Variants in PIK3C2G observed in about 807,000 individuals in gnomAD.
PIK3C2G encodes phosphatidylinositol-4-phosphate 3-kinase catalytic subunit type 2 gamma.
PIK3C2G carries 168 observed loss-of-function variants against 181.1 expected under a neutral mutation model. The ratio of observed to expected loss-of-function variants is 0.93; its 90% CI spans 0.82 to 1.05. PIK3C2G has a LOEUF of 1.05. Among genes scored for constraint, PIK3C2G ranks in the 50% least tolerant of loss-of-function variants. The pLI is 0.00. For synonymous variants in PIK3C2G, 573 were observed against 592.2 expected, an observed-to-expected ratio of 0.97 and a Z score of 0.47; for missense variants, 1,869 against 1,732.8, an observed-to-expected ratio of 1.08 and a Z score of -1.40.
At chr12:18,590,309 C>T (rs983703131) in intron 29 of PIK3C2G, among the ~76,000 whole-genome samples, 2 of 151,834 alleles carry the variant, frequency 1.3e-5, no homozygotes, top group African/African-American at 4.8e-5. Context: ...TTCCGAACAC[C>T]TCATATTCCA....
chr12:18,409,169 T>C (rs186147736), intron 16 of PIK3C2G, among the ~76,000 whole-genome samples: 2 of 152,170 alleles, frequency 1.3e-5, no homozygotes, highest in Admixed American at 1.3e-4. Context: ...AATGATAGAT[T>C]AGATAAAGAA....
chr12:18,588,968 A>G (rs749590596), intron 29 of PIK3C2G, among the ~76,000 whole-genome samples: 1 of 152,122 alleles, frequency 6.6e-6, no homozygotes, highest in Non-Finnish European at 1.5e-5. Flanking sequence ...GGAGGCCACT[A>G]TTCTTAGCAA....
chr12:18,286,146 C>T (rs921778562), intron 2 of PIK3C2G, among the ~76,000 whole-genome samples: 3 of 151,860 alleles, frequency 2.0e-5, no homozygotes, highest in Non-Finnish European at 4.4e-5. Flanking sequence ...TGTGTATGTA[C>T]CTAATAACAG....
the PIK3C2G span, chr12:18,719,573 A>G: frequency 6.2e-7 from 1 of 1,605,896 alleles, no homozygotes; most frequent in Non-Finnish European, 8.5e-7. Context: ...AACAGTAGAC[A>G]TTCACGTGAA....
Position 18,325,073 on chromosome 12 carries a change from A to C in PIK3C2G, c.1247A>C (p.His416Pro). The C allele has an allele frequency of 6.4e-7, 1 of 1,572,880 alleles. No homozygotes were observed. The highest frequency in any genetic ancestry group is 1.1e-5 in the South Asian group (1 of 88,748). The change falls in exon 8 of 33, where the codon CAC (histidine) becomes CCC (proline). Residue 416 changes from histidine (H) to proline (P), a missense_variant. Transcript: ENST00000538779. ...ACACTCATCAGAAAATATGACTTCC[A>C]CCTGAAATACCTATTGAAAACCCAG... ...LLTLIRKYDFHLKYLLKTQEN... is the reference protein window; with the variant it reads ...LLTLIRKYDFPLKYLLKTQEN...
chr12:18,656,754 GACA>G, the PIK3C2G span, among the ~76,000 whole-genome samples: 123,046 of 151,620 alleles, frequency 0.81, 50,075 homozygotes, highest in African/African-American at 0.85. Context: ...CAACAACAAC[GACA>G]ACAACAACAA....
chr12:18,499,621 G>A (rs780195191), intron 22 of PIK3C2G, among the ~76,000 whole-genome samples: 2 of 152,132 alleles, frequency 1.3e-5, no homozygotes, highest in South Asian at 2.1e-4. Context: ...AATTACATAG[G>A]GGGATGGAAA....
At chr12:18,271,059 T>C (rs1382303638) in intron 1 of PIK3C2G, among the ~76,000 whole-genome samples, 3 of 152,148 alleles carry the variant, frequency 2.0e-5, no homozygotes, top group Non-Finnish European at 4.4e-5. Flanking sequence ...TGTGACACTC[T>C]AGTGGAAGCT....
At chr12:18,406,028 T>C (rs1661413974) in intron 16 of PIK3C2G, among the ~76,000 whole-genome samples, 1 of 152,176 alleles carries the variant, frequency 6.6e-6, no homozygotes, top group African/African-American at 2.4e-5. Flanking sequence ...ATCTCCTCTT[T>C]TTCCATTTCT....
At chr12:18,668,993 TC>T in the PIK3C2G span, among the ~76,000 whole-genome samples, 1 of 152,062 alleles carries the variant, frequency 6.6e-6, no homozygotes, top group South Asian at 2.1e-4. Flanking sequence ...GTAATTAATT[TC>T]CCCCGCTGAG....
At chr12:18,691,519 A>G in the PIK3C2G span, among the ~76,000 whole-genome samples, 4 of 152,252 alleles carry the variant, frequency 2.6e-5, no homozygotes, top group South Asian at 8.3e-4. Flanking sequence ...ATCTTAAGGG[A>G]AGGCAGAGAA....
intron 2 of PIK3C2G, among the ~76,000 whole-genome samples, chr12:18,286,193 C>T (rs1440587168): frequency 6.6e-6 from 1 of 151,994 alleles, no homozygotes; most frequent in Non-Finnish European, 1.5e-5. Flanking sequence ...TTTCTTTAAT[C>T]CTACATGCAC....
intron 1 of PIK3C2G, among the ~76,000 whole-genome samples, chr12:18,268,739 T>G (rs952972456): frequency 1.3e-5 from 2 of 152,210 alleles, no homozygotes; most frequent in African/African-American, 4.8e-5. Flanking sequence ...GTGGTATTTA[T>G]CATTGTGTGT....
At chr12:18,585,237 G>A (rs766296878) in intron 29 of PIK3C2G, among the ~76,000 whole-genome samples, 6 of 151,920 alleles carry the variant, frequency 3.9e-5, no homozygotes, top group Non-Finnish European at 7.4e-5. Context: ...CATTTAAAAA[G>A]AGTGGTCAAC....
At chr12:18,676,244 C>T in the PIK3C2G span, among the ~76,000 whole-genome samples, 1 of 152,230 alleles carries the variant, frequency 6.6e-6, no homozygotes, top group Admixed American at 6.5e-5. Flanking sequence ...GGTCAAGCCT[C>T]TTTTGAGACC....
At chr12:18,655,442 T>A in the PIK3C2G span, among the ~76,000 whole-genome samples, 2 of 152,046 alleles carry the variant, frequency 1.3e-5, no homozygotes, top group Admixed American at 6.6e-5. Flanking sequence ...AGAAACAAAA[T>A]CCACGCAGAA....
chr12:18,668,816 T>C, the PIK3C2G span, among the ~76,000 whole-genome samples: 1 of 152,142 alleles, frequency 6.6e-6, no homozygotes, highest in African/African-American at 2.4e-5. Flanking sequence ...CTGATACATA[T>C]CTACTCATAC....
chr12:18,568,626 A>G (rs1357643256), intron 29 of PIK3C2G, among the ~76,000 whole-genome samples: 1 of 152,126 alleles, frequency 6.6e-6, no homozygotes, highest in Non-Finnish European at 1.5e-5. Context: ...GCCTACCCAT[A>G]TTATGAAGAG....
Position 18,409,996 on chromosome 12 carries a change from G to C in PIK3C2G, c.2315+10149G>C, listed in dbSNP as rs544069535. 5.3e-5 allele frequency among the ~76,000 whole-genome samples: 8 copies of C among 152,158 alleles called. No individual in the cohort carries two copies. The South Asian group carries it at 1.5e-3, about 28-fold the overall frequency. On this transcript the variant is annotated intron_variant, in intron 16 of 32. Transcript: ENST00000538779. ...ACTCTATCACTAGAACAGCACTAAAGGGGGAAATCTGCCCCCATGAGTGAA... is the reference window on the plus strand; with the variant it reads ...ACTCTATCACTAGAACAGCACTAAACGGGGAAATCTGCCCCCATGAGTGAA...
Sources: gnomAD v4.1 joint callset for allele counts (sites outside exome capture counted in the v4.1 genomes callset) on GRCh38, gnomAD v4.1.1 for gene constraint, MANE v1.5 for transcripts, NCBI Gene and HGNC (gene_info 2026-07-23, HGNC 2026-07-21) for gene names.